CFAP161: variants seen among roughly 807,000 people sequenced by gnomAD.
The protein encoded by CFAP161 is cilia and flagella associated protein 161.
Under a neutral mutation model 29.0 loss-of-function variants are expected in CFAP161, and 25 were observed. That is an observed-to-expected ratio of 0.86 (90% CI 0.63 to 1.20). The LOEUF is 1.20. CFAP161 is among the 50% of genes most tolerant of loss of function. The probability of loss-of-function intolerance (pLI) is 0.00; values close to 1 mark genes in which losing one functional copy is unlikely to be tolerated. For synonymous variants in CFAP161, 116 were observed against 137.4 expected (o/e 0.84, Z 1.09); for missense variants, 367 against 371.9 (o/e 0.99, Z 0.11).
chr15:81,105,160 C>T (rs1440405724), intron 1 of CFAP161, among the ~76,000 whole-genome samples: 1 of 35,540 alleles, frequency 2.8e-5, no homozygotes. Flanking sequence ...TCCCTCCCTC[C>T]CTTCCTTCCT....
intron 5 of CFAP161, among the ~76,000 whole-genome samples, chr15:81,146,255 T>A (rs1448933441): frequency 1.3e-5 from 2 of 152,204 alleles, no homozygotes; most frequent in African/African-American, 4.8e-5. Context: ...CTTTTCTTTC[T>A]TACACAGCTT....
At chr15:81,119,627 G>C (rs187386096) in intron 1 of CFAP161, among the ~76,000 whole-genome samples, 1 of 152,292 alleles carries the variant, frequency 6.6e-6, no homozygotes, top group Admixed American at 6.5e-5. Context: ...ATCTCTACAA[G>C]ATGAGAGAGA....
Position 81,143,820 on chromosome 15 carries a change from G to A in CFAP161, c.636G>A (p.Pro212=), listed in dbSNP as rs200582801. 7.3e-5 allele frequency: 117 copies of A among 1,613,534 alleles called. 1 individual carries two copies. In the South Asian group the frequency reaches 1.0e-3, roughly 14 times the overall value. The change falls in exon 5 of 7, where the codon CCG becomes CCA. Residue 212 remains proline (P), a splice_region_variant and synonymous_variant. Transcript: ENST00000286732. ...LRLEYEGFPV[P]ANAKILINHC... ...TGGAATATGAAGGCTTCCCCGTCCC[G>A]GTGAGTGCAGCATCGGGAAGACATG...
chr15:81,135,342 C>A lies in CFAP161; in HGVS notation c.142C>A (p.Gln48Lys), dbSNP rs376810651. 37 of 1,589,044 alleles carry A rather than the reference C, an allele frequency of 2.3e-5. No individual in the cohort carries two copies. The African/African-American group carries it at 4.2e-4, about 18-fold the overall frequency. ...LLIQRSRRLK[Q>K]NLLRPMQLSV... Reference sequence around the variant, plus strand: ...CATACAGAGAAGTAGAAGACTAAAACAGAATCTCTTGAGACCGGTAACTTT... The same window carrying A: ...CATACAGAGAAGTAGAAGACTAAAAAAGAATCTCTTGAGACCGGTAACTTT... The change falls in exon 2 of 7, where the codon CAG (glutamine) becomes AAG (lysine). Residue 48 changes from glutamine (Q) to lysine (K), a missense_variant. Coordinates refer to ENST00000286732, the MANE Select transcript of CFAP161 (RefSeq NM_173528.4).
chr15:81,141,566 C>T (rs1250117120), intron 4 of CFAP161, among the ~76,000 whole-genome samples: 2 of 152,050 alleles, frequency 1.3e-5, no homozygotes, highest in African/African-American at 4.8e-5. Context: ...ATTAGCAAAC[C>T]CTTCTGGGGC....
chr15:81,131,742 AAGAC>A (rs1291218146), upstream of CFAP161, among the ~76,000 whole-genome samples: 3 of 152,210 alleles, frequency 2.0e-5, no homozygotes, highest in African/African-American at 7.2e-5. Context: ...ATAAAGACAG[AAGAC>A]AGACAAAGGA....
At chr15:81,120,069 G>T (rs989094552) in intron 1 of CFAP161, among the ~76,000 whole-genome samples, 1 of 152,050 alleles carries the variant, frequency 6.6e-6, no homozygotes, top group African/African-American at 2.4e-5. Flanking sequence ...TAAAGACAAG[G>T]CAGGTATTAT....
chr15:81,148,028 CA>C, intron 6 of CFAP161, 97 bp downstream of exon 6: 1 of 986,846 alleles, frequency 1.0e-6, no homozygotes, highest in Non-Finnish European at 1.5e-6. Context: ...GCTGCACATA[CA>C]AAAAATGTCC....
upstream of CFAP161, among the ~76,000 whole-genome samples, chr15:81,129,532 G>A (rs1894682091): frequency 6.6e-6 from 1 of 152,108 alleles, no homozygotes; most frequent in African/African-American, 2.4e-5. Context: ...AGAACAGTAT[G>A]GGGAAAACCA....
At chr15:81,101,380 A>T (rs1428261226) in intron 1 of CFAP161, among the ~76,000 whole-genome samples, 4 of 151,792 alleles carry the variant, frequency 2.6e-5, no homozygotes, top group African/African-American at 9.7e-5. Flanking sequence ...TACAAAAATT[A>T]GCTGGGTGTG....
At chr15:81,111,902 G>A (rs924206637) in intron 1 of CFAP161, among the ~76,000 whole-genome samples, 1 of 152,162 alleles carries the variant, frequency 6.6e-6, no homozygotes, top group Non-Finnish European at 1.5e-5. Flanking sequence ...GTTGAAATTA[G>A]CTTAGGAAGT....
chr15:81,118,010 T>C, intron 1 of CFAP161: 1 of 492,102 alleles, frequency 2.0e-6, no homozygotes, highest in Non-Finnish European at 3.8e-6. Flanking sequence ...TGGTAGTCAT[T>C]CAGGTTAATA....
At chr15:81,126,681 C>G (rs1340493774) in intron 1 of CFAP161, among the ~76,000 whole-genome samples, 1 of 152,036 alleles carries the variant, frequency 6.6e-6, no homozygotes, top group Non-Finnish European at 1.5e-5. Context: ...TTATCTATTT[C>G]TTTTCACTTT....
At chr15:81,103,405 C>G (rs538093046) in intron 1 of CFAP161, among the ~76,000 whole-genome samples, 1 of 152,066 alleles carries the variant, frequency 6.6e-6, no homozygotes. Context: ...TCTCAAGATC[C>G]TCCCCAGGGA....
At chr15:81,109,908 A>G (rs1449753517) in intron 1 of CFAP161, among the ~76,000 whole-genome samples, 1 of 152,014 alleles carries the variant, frequency 6.6e-6, no homozygotes, top group East Asian at 1.9e-4. Flanking sequence ...TAAACTGCTG[A>G]TTTCTTTGGG....
At chr15:81,142,298 TTTA>T (rs1351634815) in intron 4 of CFAP161, among the ~76,000 whole-genome samples, 1 of 151,780 alleles carries the variant, frequency 6.6e-6, no homozygotes, top group Non-Finnish European at 1.5e-5. Context: ...ATTTTTAAAA[TTTA>T]TTATTATTAT....
At chr15:81,108,213 T>G (rs1458079880) in intron 1 of CFAP161, among the ~76,000 whole-genome samples, 1 of 152,224 alleles carries the variant, frequency 6.6e-6, no homozygotes, top group East Asian at 1.9e-4. Flanking sequence ...CTTTTATAAT[T>G]GCTGACTTTT....
At chr15:81,128,477 C>T (rs559593247) in intron 2 of CFAP161, among the ~76,000 whole-genome samples, 1 of 152,328 alleles carries the variant, frequency 6.6e-6, no homozygotes, top group East Asian at 1.9e-4. Flanking sequence ...GCAACTCCTC[C>T]TCAAGACTGC....
At chr15:81,119,992 A>C (rs1894551360) in intron 1 of CFAP161, among the ~76,000 whole-genome samples, 1 of 152,198 alleles carries the variant, frequency 6.6e-6, no homozygotes, top group South Asian at 2.1e-4. Flanking sequence ...GCAGTACAGA[A>C]AGTTGCATGG....
Sources: allele counts gnomAD v4.1 joint callset (sites outside exome capture counted in the v4.1 genomes callset), GRCh38; gene constraint gnomAD v4.1.1; transcripts MANE v1.5; gene names NCBI Gene and HGNC (gene_info 2026-07-23, HGNC 2026-07-21).